MSRB2: variants seen among roughly 807,000 people sequenced by gnomAD.
MSRB2 encodes methionine sulfoxide reductase B2, also known as methionine-R-sulfoxide reductase B2, mitochondrial.
In MSRB2, 17 loss-of-function variants were observed where a neutral mutation model predicts 19.0. The ratio of observed to expected loss-of-function variants is 0.89; its 90% confidence interval spans 0.61 to 1.34. The LOEUF is 1.34. MSRB2 is among the 40% of genes most tolerant of loss of function. The pLI, the probability that MSRB2 is intolerant of heterozygous loss-of-function variation, is 0.00. For synonymous variants in MSRB2, 107 were observed against 99.7 expected (o/e 1.07, Z -0.44); for missense variants, 208 against 237.6 (o/e 0.88, Z 0.82).
rs114054929 is a variant in MSRB2, at chr10:23,110,111, G to A, written c.220-131G>A. Reference sequence around the variant, plus strand: ...GGTACATTATAATTTTCTCTCTGGCGTTATTTGCACTTCGTCAAATTAGTA... The same window carrying A: ...GGTACATTATAATTTTCTCTCTGGCATTATTTGCACTTCGTCAAATTAGTA... On this transcript the variant is annotated intron_variant, in intron 2 of 4. Coordinates refer to ENST00000376510, the MANE Select transcript of MSRB2 (RefSeq NM_012228.4). 4.1e-3 allele frequency: 2,630 copies of A among 649,206 alleles called. 49 individuals carry two copies. Among genetic ancestry groups the A allele is most frequent in the African/African-American group, 0.036 (1,978 of 55,160 alleles). The allele number at this position is 649,206 out of a possible 1,614,324, so 40.2% of individuals were successfully genotyped here.
chr10:23,102,642 T>A (rs1839938001), intron 1 of MSRB2, among the ~76,000 whole-genome samples: 1 of 152,194 alleles, frequency 6.6e-6, no homozygotes, highest in African/African-American at 2.4e-5. Context: ...CCTACTTGGT[T>A]AAAGTAGTGG....
chr10:23,103,203 T>A (rs1253890538), intron 1 of MSRB2, among the ~76,000 whole-genome samples: 2 of 152,214 alleles, frequency 1.3e-5, no homozygotes, highest in African/African-American at 4.8e-5. Flanking sequence ...CGAAGGATAA[T>A]TTAGGACTTT....
At chr10:23,116,920 A>G (rs1840117819) in intron 3 of MSRB2, among the ~76,000 whole-genome samples, 2 of 152,138 alleles carry the variant, frequency 1.3e-5, no homozygotes, top group African/African-American at 4.8e-5. Flanking sequence ...TGCCAGTCTT[A>G]TGATCTCTAT....
intron 3 of MSRB2, among the ~76,000 whole-genome samples, chr10:23,117,882 C>G (rs976458423): frequency 4.6e-5 from 7 of 152,206 alleles, no homozygotes; most frequent in Non-Finnish European, 8.8e-5. Context: ...TGGGCCACCA[C>G]GCCAGCAAAA....
At position 23,119,452 on chromosome 10, in the gene MSRB2, G is replaced by A; in HGVS notation, c.444+1G>A. Reference sequence around the variant, plus strand: ...TCGCACAGAGGTTGTCTGCAAGCAGGTGAGGTTTCTCATTTTGTTTTACTT... The same window carrying A: ...TCGCACAGAGGTTGTCTGCAAGCAGATGAGGTTTCTCATTTTGTTTTACTT... On this transcript the variant is annotated splice_donor_variant, in intron 4 of 4. Transcript: ENST00000376510. LOFTEE classifies it high-confidence loss of function. The A allele has an allele frequency of 6.2e-7, 1 of 1,612,236 alleles. No individual in the cohort carries two copies. Among genetic ancestry groups the A allele is most frequent in the Non-Finnish European group, 8.5e-7 (1 of 1,178,812 alleles).
chr10:23,108,391 C>T (rs1840006863), intron 2 of MSRB2, among the ~76,000 whole-genome samples: 1 of 151,952 alleles, frequency 6.6e-6, no homozygotes, highest in Non-Finnish European at 1.5e-5. Context: ...TATGAAAAGG[C>T]TTTTCTAGAT....
chr10:23,112,836 G>A (rs573899066), intron 3 of MSRB2, among the ~76,000 whole-genome samples: 1 of 152,242 alleles, frequency 6.6e-6, no homozygotes, highest in South Asian at 2.1e-4. Context: ...CACCCGCTTT[G>A]GCCTCCCAAA....
intron 3 of MSRB2, among the ~76,000 whole-genome samples, chr10:23,115,203 C>T (rs1159738771): frequency 6.6e-6 from 1 of 152,178 alleles, no homozygotes; most frequent in African/African-American, 2.4e-5. Context: ...GGACTCCAGA[C>T]TCTCTTTCCT....
In MSRB2 at chr10:23,106,063, C is replaced by T. The variant is rs79507560; in HGVS notation, c.219+1819C>T. ...GCAGGGCTTGGTACATAGACAGACC[C>T]TAGAGATGAGCTGCCAGATGTTTAG... is the stretch of plus-strand genomic sequence containing the variant. On this transcript the variant is annotated intron_variant, in intron 2 of 4. Transcript: ENST00000376510. Among the ~76,000 whole-genome samples, 483 of 152,284 alleles carry T rather than the reference C, an allele frequency of 3.2e-3. 11 individuals carry two copies. In the East Asian group the frequency reaches 0.059, roughly 19 times the overall value.
At position 23,109,133 on chromosome 10, in the gene MSRB2, A is replaced by G. The variant is rs141758199; in HGVS notation, c.220-1109A>G. 9.2e-3 allele frequency among the ~76,000 whole-genome samples: 1,399 copies of G among 152,322 alleles called. 19 individuals carry two copies. The highest frequency in any genetic ancestry group is 0.03 in the African/African-American group (1,260 of 41,572). ...TTTCCTCTGGCCCATAGGAGGGGAC[A>G]GTGCCTGCCGCCAGGCCCTGTGATA... On this transcript the variant is annotated intron_variant, in intron 2 of 4. Transcript: ENST00000376510.
At chr10:23,096,352 C>CTCTCTCTGTGTGTGTGTGTG (rs144653384) in intron 1 of MSRB2, among the ~76,000 whole-genome samples, 5 of 142,750 alleles carry the variant, frequency 3.5e-5, no homozygotes, top group East Asian at 2.0e-4. Flanking sequence ...CTCTCTCTCT[C>CTCTCTCTGTGTGTGTGTGTG]TGTGTGTGTG....
At chr10:23,117,973 A>T (rs1840131640) in intron 3 of MSRB2, among the ~76,000 whole-genome samples, 1 of 152,252 alleles carries the variant, frequency 6.6e-6, no homozygotes, top group Admixed American at 6.5e-5. Flanking sequence ...CTTAGCCATC[A>T]AGTAAAATGC....
intron 1 of MSRB2, among the ~76,000 whole-genome samples, chr10:23,099,887 T>C (rs1311048735): frequency 1.3e-5 from 2 of 152,224 alleles, no homozygotes; most frequent in African/African-American, 4.8e-5. Context: ...GTTTTAAAGC[T>C]CAATTCATGA....
rs1840033510 is a variant in MSRB2, at chr10:23,110,137, C to T, written c.220-105C>T. ...TTATTTGCACTTCGTCAAATTAGTA[C>T]AGAAATTCCTTGATTTGGGGACTTA... On this transcript the variant is annotated intron_variant, in intron 2 of 4. Coordinates refer to ENST00000376510, the MANE Select transcript of MSRB2 (RefSeq NM_012228.4). 8.5e-6 allele frequency: 7 copies of T among 827,666 alleles called. 1 individual carries two copies. The highest frequency in any genetic ancestry group is 8.2e-5 in the South Asian group (5 of 60,724). The allele number at this position is 827,666 out of a possible 1,614,324, so 51.3% of individuals were successfully genotyped here. A position where few individuals can be genotyped will look rare whatever the true frequency, so the allele number is the denominator to read the frequency against.
In MSRB2 at chr10:23,102,771, G is replaced by T. The variant is rs74483320; in HGVS notation, c.119-1373G>T. On this transcript the variant is annotated intron_variant, in intron 1 of 4. Transcript: ENST00000376510. ...AATCCTCTGATGATTTTTACAAAAT[G>T]GTGATTTTAAAAATTCTATACTTCC... Among the ~76,000 whole-genome samples the T allele has an allele frequency of 9.8e-3, 1,498 of 152,228 alleles. 13 individuals carry two copies. The highest frequency in any genetic ancestry group is 0.016 in the Non-Finnish European group (1,072 of 67,994).
At chr10:23,102,818 T>G (rs1839939891) in intron 1 of MSRB2, among the ~76,000 whole-genome samples, 1 of 152,226 alleles carries the variant, frequency 6.6e-6, no homozygotes, top group Non-Finnish European at 1.5e-5. Context: ...TTACTTGACA[T>G]TCTGCGTGAT....
At chr10:23,095,853 G>GCCCC (rs1324882583) in intron 1 of MSRB2, 127 bp downstream of exon 1, 7 of 508,462 alleles carry the variant, frequency 1.4e-5, no homozygotes, top group African/African-American at 7.5e-5. Flanking sequence ...TCCTCGGCGC[G>GCCCC]CCCCTCCCCC....
intron 2 of MSRB2, among the ~76,000 whole-genome samples, chr10:23,108,427 T>TTGCATGCA (rs1375303331): frequency 4.6e-5 from 7 of 152,102 alleles, no homozygotes; most frequent in Non-Finnish European, 5.9e-5. Context: ...CAGTCCTGTT[T>TTGCATGCA]TGCATGCATT....
rs80119188 is a variant in MSRB2 at position 23,099,235 on chromosome 10, G to C, written c.118+3509G>C. On this transcript the variant is annotated intron_variant, in intron 1 of 4. Coordinates refer to ENST00000376510, the MANE Select transcript of MSRB2 (RefSeq NM_012228.4). Reference sequence around the variant, plus strand: ...CAAAGAAACCTCTTAAAGTGATACAGCCCACATATAACCTGACCTGGGTGT... The same window carrying C: ...CAAAGAAACCTCTTAAAGTGATACACCCCACATATAACCTGACCTGGGTGT... 1.3e-3 allele frequency among the ~76,000 whole-genome samples: 198 copies of C among 152,320 alleles called. 5 individuals carry two copies. The East Asian group carries it at 0.033, about 26-fold the overall frequency.
Sources: allele counts gnomAD v4.1 joint callset (sites outside exome capture counted in the v4.1 genomes callset), GRCh38; gene constraint gnomAD v4.1.1; transcripts MANE v1.5; gene names NCBI Gene and HGNC (gene_info 2026-07-23, HGNC 2026-07-21).